APBA2: variants seen among roughly 807,000 people sequenced by gnomAD.
The protein encoded by APBA2 is amyloid-beta A4 precursor protein-binding family A member 2.
A neutral mutation model predicts 75.0 loss-of-function variants in APBA2; 30 were observed. The ratio of observed to expected loss-of-function variants is 0.40; its 90% CI spans 0.30 to 0.54. The LOEUF is 0.54. APBA2 is among the 20% of genes least tolerant of loss of function. The pLI is 0.49. For synonymous variants in APBA2, 444 were observed against 409.6 expected (o/e 1.08, Z -1.01); for missense variants, 801 against 1,016.1 (o/e 0.79, Z 2.88).
At chr15:29,019,047 T>C (rs1455537625) in intron 3 of APBA2, among the ~76,000 whole-genome samples, 3 of 152,202 alleles carry the variant, frequency 2.0e-5, no homozygotes, top group Admixed American at 6.5e-5. Context: ...TCCCACGCTG[T>C]AGGGATCAGG....
intron 2 of APBA2, among the ~76,000 whole-genome samples, chr15:28,967,161 CCTT>C (rs1405438673): frequency 6.6e-6 from 1 of 152,038 alleles, no homozygotes; most frequent in Non-Finnish European, 1.5e-5. Flanking sequence ...CTTAATTTCT[CCTT>C]CATTTCTTTT....
chr15:29,098,968 G>A (rs2152958952), intron 9 of APBA2, among the ~76,000 whole-genome samples: 1 of 151,830 alleles, frequency 6.6e-6, no homozygotes, highest in Admixed American at 6.5e-5. Context: ...ACCCTGATAC[G>A]GGCACAGGGG....
intron 3 of APBA2, among the ~76,000 whole-genome samples, chr15:29,030,593 C>T (rs2152843555): frequency 6.6e-6 from 1 of 152,238 alleles, no homozygotes; most frequent in South Asian, 2.1e-4. Context: ...TGATAACTGA[C>T]ACAACCTTTT....
At chr15:29,062,166 G>A (rs1566961856) in intron 4 of APBA2, among the ~76,000 whole-genome samples, 1 of 152,120 alleles carries the variant, frequency 6.6e-6, no homozygotes, top group Non-Finnish European at 1.5e-5. Flanking sequence ...TGGAGTAGTC[G>A]GCTCCCTCCT....
Position 28,987,725 on chromosome 15 carries a change from G to GATATATATATATATATAT in APBA2, c.-94-8027_-94-8026insTATATATATATATATATA, listed in dbSNP as rs1469936230. Among the ~76,000 whole-genome samples, 516 of 118,144 alleles carry GATATATATATATATATAT rather than the reference G, an allele frequency of 4.4e-3. 6 individuals carry two copies. Among genetic ancestry groups the GATATATATATATATATAT allele is most frequent in the South Asian group, 0.011 (34 of 3,090 alleles). The allele number at this position is 118,144 out of a possible 152,430, so 77.5% of individuals were successfully genotyped here. A position where few individuals can be genotyped will look rare whatever the true frequency, so the allele number is the denominator to read the frequency against. On this transcript the variant is annotated intron_variant, in intron 2 of 14. Coordinates refer to ENST00000683413, the MANE Select transcript of APBA2 (RefSeq NM_001353788.2). ...AAGGGAGTGTCAAAGAATATGTGGA[G>GATATATATATATATATAT]AGAGATATATATATATATATATATA... is the stretch of plus-strand genomic sequence containing the variant.
rs529119112 is a variant in APBA2 at position 29,087,118 on chromosome 15, A to G, written c.1070-5957A>G. Among the ~76,000 whole-genome samples the G allele has an allele frequency of 7.9e-4, 121 of 152,298 alleles. 1 individual carries two copies. The highest frequency in any genetic ancestry group is 2.9e-3 in the African/African-American group (119 of 41,552). ...CTGTGCTGTTCACAGGAGCATGGAG[A>G]GGATGTTCTGCAGAACTCCACTGTG... is the stretch of plus-strand genomic sequence containing the variant. On this transcript the variant is annotated intron_variant, in intron 6 of 14. Transcript: ENST00000683413.
intron 2 of APBA2, among the ~76,000 whole-genome samples, chr15:28,964,109 C>G (rs1183504056): frequency 2.0e-5 from 3 of 152,244 alleles, no homozygotes; most frequent in Non-Finnish European, 4.4e-5. Context: ...GAACCCAGAT[C>G]TGCTATATGA....
At chr15:28,936,121 T>G (rs979292422) in intron 2 of APBA2, among the ~76,000 whole-genome samples, 7 of 152,344 alleles carry the variant, frequency 4.6e-5, no homozygotes, top group Admixed American at 2.6e-4. Flanking sequence ...TGGCTTGCAC[T>G]GATTGCGGCA....
At chr15:29,017,403 T>C (rs866791232) in intron 3 of APBA2, among the ~76,000 whole-genome samples, 3,503 of 132,136 alleles carry the variant, frequency 0.027, 17 homozygotes, top group African/African-American at 0.037. Context: ...CTTTCTTTTT[T>C]TTTTTTTTTT....
chr15:28,945,040 T>C (rs2035464560), intron 2 of APBA2, among the ~76,000 whole-genome samples: 1 of 152,202 alleles, frequency 6.6e-6, no homozygotes, highest in African/African-American at 2.4e-5. Context: ...GCCTTCCTTG[T>C]TCATGGGGAG....
rs1320129761 is a variant in APBA2, at chr15:29,030,387, G to A, written c.-40-23458G>A. On this transcript the variant is annotated intron_variant, in intron 3 of 14. Transcript: ENST00000683413. ...TGAGGCAGGAGAATGGCGTGAACCC[G>A]GGAGGCGGAGCTTGCAGTGAGCCGA... Among the ~76,000 whole-genome samples, 7 of 151,976 alleles carry A rather than the reference G, an allele frequency of 4.6e-5. No homozygotes were observed. In the South Asian group the frequency reaches 6.2e-4, roughly 14 times the overall value.
intron 2 of APBA2, among the ~76,000 whole-genome samples, chr15:28,994,843 C>G (rs1015455306): frequency 6.6e-6 from 1 of 152,184 alleles, no homozygotes; most frequent in Non-Finnish European, 1.5e-5. Flanking sequence ...GACCCCAGGA[C>G]CAGATTGCAG....
chr15:29,090,936 C>A (rs1430767653), intron 6 of APBA2, among the ~76,000 whole-genome samples: 3 of 151,628 alleles, frequency 2.0e-5, no homozygotes, highest in Non-Finnish European at 4.4e-5. Context: ...TACACGCTCT[C>A]CAAGCCCCCC....
intron 2 of APBA2, among the ~76,000 whole-genome samples, chr15:28,940,640 G>A (rs1017733141): frequency 3.9e-5 from 6 of 152,104 alleles, no homozygotes; most frequent in East Asian, 1.9e-4. Context: ...GCCCTAGAGC[G>A]TTCCCTGGAG....
At chr15:28,987,264 A>G (rs1221240167) in intron 2 of APBA2, among the ~76,000 whole-genome samples, 1 of 152,182 alleles carries the variant, frequency 6.6e-6, no homozygotes, top group Non-Finnish European at 1.5e-5. Flanking sequence ...TTATGCCAAC[A>G]CTTAGTGGTA....
chr15:29,001,853 G>A (rs1418495930), intron 3 of APBA2, among the ~76,000 whole-genome samples: 1 of 152,192 alleles, frequency 6.6e-6, no homozygotes, highest in African/African-American at 2.4e-5. Context: ...ACGAGGAACT[G>A]TGAGCCCAAC....
intron 3 of APBA2, among the ~76,000 whole-genome samples, chr15:29,051,768 CAA>C (rs1194173246): frequency 6.6e-6 from 1 of 152,010 alleles, no homozygotes; most frequent in Non-Finnish European, 1.5e-5. Context: ...ACTAAAGAGA[CAA>C]GAGGGGAAGA....
chr15:28,946,785 C>T (rs2035575266), intron 2 of APBA2, among the ~76,000 whole-genome samples: 1 of 152,162 alleles, frequency 6.6e-6, no homozygotes, highest in South Asian at 2.1e-4. Flanking sequence ...TGCTATATTG[C>T]CTAGGCTGTT....
At chr15:29,055,083 G>T (rs1030478195) in intron 4 of APBA2, among the ~76,000 whole-genome samples, 14 of 152,310 alleles carry the variant, frequency 9.2e-5, no homozygotes, top group African/African-American at 1.9e-4. Flanking sequence ...CTCGTGTCTC[G>T]CAGAAGACAC....
Sources: gnomAD v4.1 joint callset for allele counts (sites outside exome capture counted in the v4.1 genomes callset) on GRCh38, gnomAD v4.1.1 for gene constraint, MANE v1.5 for transcripts, NCBI Gene and HGNC (gene_info 2026-07-23, HGNC 2026-07-21) for gene names.